LINGO2: variants seen among roughly 807,000 people sequenced by gnomAD.
LINGO2 encodes leucine-rich repeat and immunoglobulin-like domain-containing nogo receptor-interacting protein 2.
LINGO2 carries 14 observed loss-of-function variants against 30.6 expected under a neutral mutation model. The ratio of observed to expected loss-of-function variants is 0.46; its 90% confidence interval spans 0.30 to 0.72. LINGO2 has a LOEUF of 0.72. Among genes scored for constraint, LINGO2 ranks in the 30% least tolerant of loss-of-function variants. The probability of loss-of-function intolerance (pLI) is 0.07; values close to 1 mark genes in which losing one functional copy is unlikely to be tolerated. For synonymous variants in LINGO2, 317 were observed against 288.5 expected, an observed-to-expected ratio of 1.10 and a Z score of -1.00; for missense variants, 729 against 751.7, an observed-to-expected ratio of 0.97 and a Z score of 0.35.
intron 4 of LINGO2, among the ~76,000 whole-genome samples, chr9:28,067,477 T>A (rs1459426569): frequency 6.6e-6 from 1 of 152,182 alleles, no homozygotes; most frequent in African/African-American, 2.4e-5. Context: ...ATGGAAGAGT[T>A]CCATATCTGG....
At chr9:28,044,420 G>A (rs1200296559) in intron 4 of LINGO2, among the ~76,000 whole-genome samples, 2 of 152,112 alleles carry the variant, frequency 1.3e-5, no homozygotes, top group Non-Finnish European at 2.9e-5. Context: ...AGTGGGGGCT[G>A]CCCCATGCAT....
At chr9:27,957,040 A>G (rs997259525) in intron 5 of LINGO2, among the ~76,000 whole-genome samples, 1 of 152,190 alleles carries the variant, frequency 6.6e-6, no homozygotes, top group African/African-American at 2.4e-5. Flanking sequence ...AGCTGCAGTA[A>G]GCTGTGATTG....
the LINGO2 span, among the ~76,000 whole-genome samples, chr9:28,825,799 T>A: frequency 6.6e-6 from 1 of 152,114 alleles, no homozygotes; most frequent in Non-Finnish European, 1.5e-5. Flanking sequence ...CACTAATTCA[T>A]CCTACACTGT....
the LINGO2 span, chr9:27,942,795 T>A: frequency 6.6e-6 from 1 of 152,158 alleles, no homozygotes; most frequent in Admixed American, 6.5e-5. Context: ...CTAACCACCC[T>A]TCCCCACATA....
chr9:28,587,937 G>A (rs762712448), intron 1 of LINGO2, among the ~76,000 whole-genome samples: 3 of 151,984 alleles, frequency 2.0e-5, no homozygotes, highest in East Asian at 3.9e-4. Context: ...TGTGGACACC[G>A]AGTTGGATGA....
chr9:28,556,462 G>C (rs1315511079), intron 1 of LINGO2, among the ~76,000 whole-genome samples: 2 of 152,066 alleles, frequency 1.3e-5, no homozygotes, highest in Non-Finnish European at 2.9e-5. Context: ...CCTCTTCAAA[G>C]AGAACGACAA....
At chr9:28,569,208 C>G (rs528874458) in intron 1 of LINGO2, among the ~76,000 whole-genome samples, 1 of 151,902 alleles carries the variant, frequency 6.6e-6, no homozygotes, top group Admixed American at 6.6e-5. Context: ...ATTAGTACTG[C>G]CATTATAGAA....
intron 4 of LINGO2, among the ~76,000 whole-genome samples, chr9:28,023,741 C>G (rs7030002): frequency 6.6e-6 from 1 of 151,970 alleles, no homozygotes; most frequent in Non-Finnish European, 1.5e-5. Context: ...CTTCTTCTCC[C>G]CTGCCAAAGC....
intron 1 of LINGO2, among the ~76,000 whole-genome samples, chr9:28,588,166 A>C (rs1026011163): frequency 6.6e-6 from 1 of 152,072 alleles, no homozygotes; most frequent in Non-Finnish European, 1.5e-5. Flanking sequence ...TAGTTCAGTA[A>C]GGCAGCCCAT....
the LINGO2 span, among the ~76,000 whole-genome samples, chr9:28,881,273 C>T: frequency 6.6e-6 from 1 of 151,956 alleles, no homozygotes; most frequent in Admixed American, 6.6e-5. Context: ...ACAGGTATGT[C>T]ACACCACGCC....
intron 5 of LINGO2, among the ~76,000 whole-genome samples, chr9:27,988,171 A>G (rs1315332503): frequency 6.6e-6 from 1 of 152,080 alleles, no homozygotes; most frequent in Non-Finnish European, 1.5e-5. Flanking sequence ...GTCCCTACAA[A>G]GGACATGAAC....
intron 3 of LINGO2, among the ~76,000 whole-genome samples, chr9:28,339,588 C>G (rs1207874367): frequency 6.6e-6 from 1 of 152,016 alleles, no homozygotes; most frequent in Non-Finnish European, 1.5e-5. Flanking sequence ...TTTTCTGAAC[C>G]TAACTTAAAT....
chr9:28,049,605 A>G (rs1179702442), intron 4 of LINGO2, among the ~76,000 whole-genome samples: 2 of 150,760 alleles, frequency 1.3e-5, no homozygotes, highest in Non-Finnish European at 2.9e-5. Flanking sequence ...TTATTAGCTT[A>G]TTATTCAAAT....
In LINGO2 at chr9:28,022,101, T is replaced by G. The variant is rs144077468; in HGVS notation, c.-86-9696A>C. Among the ~76,000 whole-genome samples the G allele has an allele frequency of 1.8e-3, 270 of 152,202 alleles. 2 individuals carry two copies. The highest frequency in any genetic ancestry group is 5.6e-3 in the African/African-American group (231 of 41,576). On this transcript the variant is annotated intron_variant, in intron 4 of 5. Transcript: ENST00000379992. ...TTATATGATTCAATTTTAGCTCCTCTTTTGGAATATCAGTTATACCTTATT... is the reference window on the plus strand; with the variant it reads ...TTATATGATTCAATTTTAGCTCCTCGTTTGGAATATCAGTTATACCTTATT...
chr9:29,038,284 C>A, the LINGO2 span, among the ~76,000 whole-genome samples: 1 of 151,946 alleles, frequency 6.6e-6, no homozygotes, highest in Admixed American at 6.6e-5. Context: ...TTAATTTTAG[C>A]CATTCTGGTA....
intron 1 of LINGO2, among the ~76,000 whole-genome samples, chr9:28,594,984 T>C (rs1016475080): frequency 1.9e-4 from 29 of 151,748 alleles, no homozygotes; most frequent in Non-Finnish European, 5.9e-5. Context: ...GAGGACCTAT[T>C]AAGTAATTCT....
intron 5 of LINGO2, among the ~76,000 whole-genome samples, chr9:27,991,228 G>GCAA (rs200988657): frequency 7.9e-5 from 12 of 151,798 alleles, no homozygotes; most frequent in Non-Finnish European, 1.3e-4. Flanking sequence ...ACAATGAACG[G>GCAA]CAACAACAAC....
intron 1 of LINGO2, among the ~76,000 whole-genome samples, chr9:28,590,439 G>A (rs1015752910): frequency 1.3e-5 from 2 of 151,618 alleles, no homozygotes; most frequent in African/African-American, 4.8e-5. Flanking sequence ...AATCTACAAT[G>A]AACTCAAACA....
At chr9:28,519,208 T>C (rs1820738897) in intron 1 of LINGO2, among the ~76,000 whole-genome samples, 1 of 151,958 alleles carries the variant, frequency 6.6e-6, no homozygotes, top group African/African-American at 2.4e-5. Flanking sequence ...ATTTTGTATT[T>C]TTTTTTTAGT....
Sources: allele counts gnomAD v4.1 joint callset (sites outside exome capture counted in the v4.1 genomes callset), GRCh38; gene constraint gnomAD v4.1.1; transcripts MANE v1.5; gene names NCBI Gene and HGNC (gene_info 2026-07-23, HGNC 2026-07-21).